Variants in SNX29 observed in about 807,000 individuals in gnomAD.
The protein encoded by SNX29 is sorting nexin-29.
A neutral mutation model predicts 102.1 loss-of-function variants in SNX29; 78 were observed. That is an observed-to-expected ratio of 0.76 (90% CI 0.64 to 0.92). The LOEUF (loss-of-function observed/expected upper bound fraction) is 0.92, where lower values mean the gene tolerates loss of function less well. Among genes scored for constraint, SNX29 ranks in the 40% least tolerant of loss-of-function variants. SNX29 has a pLI of 0.00. For synonymous variants in SNX29, 580 were observed against 414.5 expected, an observed-to-expected ratio of 1.40 and a Z score of -4.85; for missense variants, 1,280 against 1,061.7, an observed-to-expected ratio of 1.21 and a Z score of -2.86.
At chr16:12,274,596 A>T (rs760512251) in intron 14 of SNX29, among the ~76,000 whole-genome samples, 1 of 147,700 alleles carries the variant, frequency 6.8e-6, no homozygotes, top group Non-Finnish European at 1.5e-5. Flanking sequence ...GAGTGCAGCT[A>T]TGCCATCTCA....
intron 19 of SNX29, among the ~76,000 whole-genome samples, chr16:12,480,475 A>C (rs1439382033): frequency 6.6e-6 from 1 of 152,160 alleles, no homozygotes; most frequent in Non-Finnish European, 1.5e-5. Context: ...GGGCTCACCC[A>C]GATCATCCAA....
chr16:12,358,686 C>G (rs1428189111), intron 16 of SNX29, among the ~76,000 whole-genome samples: 1 of 152,194 alleles, frequency 6.6e-6, no homozygotes, highest in East Asian at 1.9e-4. Context: ...ACAGAGAAGC[C>G]AGGAAGCATC....
chr16:12,513,994 G>T (rs2151928430), intron 19 of SNX29, among the ~76,000 whole-genome samples: 1 of 152,310 alleles, frequency 6.6e-6, no homozygotes, highest in South Asian at 2.1e-4. Context: ...GGGAGCCCAG[G>T]CGTCCCCCGT....
At chr16:12,035,182 G>C (rs894192019) in intron 4 of SNX29, among the ~76,000 whole-genome samples, 9 of 150,348 alleles carry the variant, frequency 6.0e-5, no homozygotes, top group Non-Finnish European at 1.0e-4. Flanking sequence ...ACAAGCTTTA[G>C]AAGTCCGTCT....
chr16:12,306,386 T>C (rs570900215), intron 15 of SNX29, among the ~76,000 whole-genome samples: 1 of 151,946 alleles, frequency 6.6e-6, no homozygotes, highest in East Asian at 2.0e-4. Flanking sequence ...GTGAGTCAGG[T>C]TGTTAAGGCC....
At chr16:12,174,028 A>C (rs539314061) in intron 13 of SNX29, among the ~76,000 whole-genome samples, 5 of 152,284 alleles carry the variant, frequency 3.3e-5, no homozygotes, top group African/African-American at 7.2e-5. Context: ...GGTCCCCCCC[A>C]ACCTTGGCCT....
intron 12 of SNX29, among the ~76,000 whole-genome samples, chr16:12,127,484 C>T (rs879896846): frequency 2.3e-4 from 35 of 149,038 alleles, no homozygotes; most frequent in Non-Finnish European, 3.7e-4. Flanking sequence ...TGCAGTGGCG[C>T]GATCTCTGCT....
At chr16:12,558,662 C>G (rs953399170) in intron 20 of SNX29, among the ~76,000 whole-genome samples, 1 of 152,344 alleles carries the variant, frequency 6.6e-6, no homozygotes, top group African/African-American at 2.4e-5. Flanking sequence ...CCCACCCAAT[C>G]CTGCTGGTCC....
intron 9 of SNX29, among the ~76,000 whole-genome samples, chr16:12,066,919 A>G (rs1013580120): frequency 2.0e-5 from 3 of 151,818 alleles, no homozygotes; most frequent in African/African-American, 7.3e-5. Flanking sequence ...CTGAGGCAGG[A>G]GGATTGCTTG....
chr16:12,088,004 TG>T (rs1567195470), intron 11 of SNX29: 1 of 456,520 alleles, frequency 2.2e-6, no homozygotes, highest in Non-Finnish European at 4.4e-6. Context: ...CATGGTCCTT[TG>T]GGGGGTATGA....
intron 11 of SNX29, among the ~76,000 whole-genome samples, chr16:12,099,242 C>G (rs2052903528): frequency 6.6e-6 from 1 of 152,178 alleles, no homozygotes; most frequent in African/African-American, 2.4e-5. Flanking sequence ...AGAGTGGTGT[C>G]TGAGTCTGCG....
intron 19 of SNX29, among the ~76,000 whole-genome samples, chr16:12,497,820 T>G (rs939781128): frequency 1.3e-5 from 2 of 152,184 alleles, no homozygotes; most frequent in African/African-American, 4.8e-5. Flanking sequence ...AGTTTCAGTC[T>G]CAGCACTGAT....
At chr16:12,286,320 A>C (rs1414658756) in intron 15 of SNX29, among the ~76,000 whole-genome samples, 1 of 151,580 alleles carries the variant, frequency 6.6e-6, no homozygotes, top group Non-Finnish European at 1.5e-5. Context: ...AGTGTGAATG[A>C]CTAACAGGGC....
At chr16:12,483,114 GTTTTTTTTTTTTTTTTTTTT>G (rs574090459) in intron 19 of SNX29, among the ~76,000 whole-genome samples, 1 of 66,214 alleles carries the variant, frequency 1.5e-5, no homozygotes, top group East Asian at 4.2e-4. Context: ...AAGTTATTAA[GTTTTTTTTTTTTTTTTTTTT>G]TTTTTTTTTG....
At chr16:12,442,631 C>T (rs1451944337) in intron 18 of SNX29, among the ~76,000 whole-genome samples, 1 of 151,580 alleles carries the variant, frequency 6.6e-6, no homozygotes, top group East Asian at 1.9e-4. Context: ...GTCACCCAGA[C>T]CCAGGCTGGA....
intron 19 of SNX29, among the ~76,000 whole-genome samples, chr16:12,518,918 G>A (rs1020825314): frequency 5.9e-5 from 9 of 152,342 alleles, no homozygotes; most frequent in African/African-American, 2.2e-4. Context: ...TGAAGTAGAT[G>A]CAGTGTAGCC....
At chr16:12,236,074 T>C (rs540758507) in intron 14 of SNX29, among the ~76,000 whole-genome samples, 1 of 152,330 alleles carries the variant, frequency 6.6e-6, no homozygotes, top group South Asian at 2.1e-4. Context: ...CCTGGTTGCA[T>C]AGATAGCCCA....
chr16:12,087,897 AT>A (rs2052288786), intron 11 of SNX29: 1 of 456,662 alleles, frequency 2.2e-6, no homozygotes, highest in Non-Finnish European at 4.4e-6. Flanking sequence ...TGGCAACCTG[AT>A]TCCTGCTGGT....
At chr16:12,185,918 T>C (rs562117338) in intron 13 of SNX29, among the ~76,000 whole-genome samples, 2 of 152,348 alleles carry the variant, frequency 1.3e-5, no homozygotes, top group South Asian at 4.1e-4. Context: ...TTCCCAAATG[T>C]CACTCAAAGT....
Sources: allele counts gnomAD v4.1 joint callset (sites outside exome capture counted in the v4.1 genomes callset), GRCh38; gene constraint gnomAD v4.1.1; transcripts MANE v1.5; gene names NCBI Gene and HGNC (gene_info 2026-07-23, HGNC 2026-07-21).